The following FCHO2 variants were observed in gnomAD, a reference collection of about 807,000 sequenced individuals.
The protein encoded by FCHO2 is FCH and mu domain containing endocytic adaptor 2, also known as F-BAR domain only protein 2.
In FCHO2, 43 loss-of-function variants were observed where a neutral mutation model predicts 114.1. That is an observed-to-expected ratio of 0.38 (90% CI 0.30 to 0.49). The LOEUF (loss-of-function observed/expected upper bound fraction) is 0.49, where lower values mean the gene tolerates loss of function less well. Among genes scored for constraint, FCHO2 ranks in the 20% least tolerant of loss-of-function variants. The pLI is 0.97. For synonymous variants in FCHO2, 293 were observed against 315.2 expected (o/e 0.93, Z 0.75); for missense variants, 807 against 950.4 (o/e 0.85, Z 1.98).
intron 19 of FCHO2, among the ~76,000 whole-genome samples, chr5:73,069,570 C>T (rs1471155659): frequency 3.3e-5 from 5 of 151,798 alleles, no homozygotes; most frequent in Admixed American, 6.6e-5. Flanking sequence ...AGTCTAATGC[C>T]GCTGCTGATC....
At position 72,990,488 on chromosome 5, in the gene FCHO2, C is replaced by A. The variant is rs980732148; in HGVS notation, c.211C>A (p.Pro71Thr). Reference protein sequence around the residue: ...SNYSQLGTFAPVWDVFKTSTE... With the variant: ...SNYSQLGTFATVWDVFKTSTE... ...TTTTTATTTTCTTAGAACATTTGCA[C>A]CAGTATGGGATGTATTCAAAACATC... is the stretch of plus-strand genomic sequence containing the variant. Residue 71 changes from proline to threonine, a missense_variant, in exon 4 of 26, where the codon CCA becomes ACA. Physicochemically the swap from Pro to Thr is conservative, Grantham distance 38 (BLOSUM62 -1). Coordinates refer to ENST00000430046, the MANE Select transcript of FCHO2 (RefSeq NM_138782.3). 128 of 1,506,054 alleles carry A rather than the reference C, an allele frequency of 8.5e-5. No homozygotes were observed. The highest frequency in any genetic ancestry group is 1.1e-4 in the Non-Finnish European group (123 of 1,133,300). The allele number at this position is 1,506,054 out of a possible 1,614,324, so 93.3% of individuals were successfully genotyped here. A position where few individuals can be genotyped will look rare whatever the true frequency, so the allele number is the denominator to read the frequency against.
chr5:73,066,364 T>G (rs1742326555), intron 18 of FCHO2, among the ~76,000 whole-genome samples: 1 of 152,132 alleles, frequency 6.6e-6, no homozygotes, highest in South Asian at 2.1e-4. Flanking sequence ...TATTTGACAT[T>G]TAGTTCCATG....
chr5:72,993,290 T>TTA (rs1419068946), intron 5 of FCHO2, among the ~76,000 whole-genome samples: 1 of 151,992 alleles, frequency 6.6e-6, no homozygotes, highest in Non-Finnish European at 1.5e-5. Flanking sequence ...AAAAGAAACT[T>TTA]TAGACTTGAT....
chr5:73,081,717 A>G (rs1743096320), intron 22 of FCHO2, 66 bp from the exon 23 acceptor site: 14 of 1,220,642 alleles, frequency 1.1e-5, no homozygotes, highest in Non-Finnish European at 2.2e-6. Flanking sequence ...TCAAGTGTCC[A>G]TGTCATTAAC....
intron 1 of FCHO2, among the ~76,000 whole-genome samples, chr5:72,961,978 T>C (rs951058244): frequency 1.3e-5 from 2 of 152,164 alleles, no homozygotes; most frequent in Non-Finnish European, 2.9e-5. Flanking sequence ...TTGTATAACT[T>C]TTAGCAAGTT....
intron 11 of FCHO2, 58 bp from the exon 12 acceptor site, chr5:73,051,291 C>A: frequency 1.7e-6 from 2 of 1,185,192 alleles, no homozygotes; most frequent in Non-Finnish European, 2.4e-6. Context: ...CTTTGATAAT[C>A]TCTAATAATT....
chr5:73,051,434 A>C (rs371677100), intron 12 of FCHO2, 28 bp downstream of exon 12: 2 of 1,444,434 alleles, frequency 1.4e-6, no homozygotes, highest in Non-Finnish European at 9.4e-7. Flanking sequence ...AGTATTCTTA[A>C]GGATTATGTT....
At chr5:73,068,613 G>T in intron 18 of FCHO2, 37 bp from the exon 19 acceptor site, 9 of 1,602,464 alleles carry the variant, frequency 5.6e-6, no homozygotes, top group Non-Finnish European at 7.7e-6. Context: ...GAGAGGTATT[G>T]TTTTAGCATT....
At chr5:73,087,567 T>C (rs768625326) in intron 24 of FCHO2, 22 bp from the exon 25 acceptor site, 1 of 1,611,620 alleles carries the variant, frequency 6.2e-7, no homozygotes, top group Non-Finnish European at 8.5e-7. Context: ...CCTGTGTAAG[T>C]GCTTTATTCT....
intron 2 of FCHO2, 60 bp from the exon 3 acceptor site, chr5:72,989,367 A>C: frequency 8.1e-7 from 1 of 1,227,806 alleles, no homozygotes; most frequent in Non-Finnish European, 1.1e-6. Context: ...TATTTTGATA[A>C]CTTTGCTGTT....
At chr5:73,058,324 T>A in intron 16 of FCHO2, 109 bp from the exon 17 acceptor site, 1 of 690,374 alleles carries the variant, frequency 1.4e-6, no homozygotes. Context: ...ACTTTTTAAT[T>A]ATGTATATTG....
At chr5:72,961,710 T>G (rs750884432) in intron 1 of FCHO2, among the ~76,000 whole-genome samples, 1 of 152,160 alleles carries the variant, frequency 6.6e-6, no homozygotes, top group Non-Finnish European at 1.5e-5. Flanking sequence ...TTCTCCTGCC[T>G]TAGCCTCCCT....
At chr5:73,080,013 GATAA>G (rs1345109810) in intron 22 of FCHO2, among the ~76,000 whole-genome samples, 3 of 152,124 alleles carry the variant, frequency 2.0e-5, no homozygotes, top group Non-Finnish European at 4.4e-5. Flanking sequence ...TGAGATATTT[GATAA>G]ATAAATGTGT....
At chr5:73,009,798 A>G (rs1754911154) in intron 6 of FCHO2, among the ~76,000 whole-genome samples, 1 of 152,166 alleles carries the variant, frequency 6.6e-6, no homozygotes, top group Admixed American at 6.5e-5. Flanking sequence ...CGGCCTCCCA[A>G]AATGCTGGCT....
chr5:73,056,816 AGT>A (rs943758441), intron 16 of FCHO2, among the ~76,000 whole-genome samples: 16 of 152,194 alleles, frequency 1.1e-4, no homozygotes, highest in African/African-American at 3.6e-4. Flanking sequence ...CAAAAAAAGA[AGT>A]GTGTCAAGTT....
chr5:72,956,119 A>G lies in FCHO2; in HGVS notation c.23A>G (p.Glu8Gly). The G allele has an allele frequency of 6.5e-7, 1 of 1,541,094 alleles. No individual in the cohort carries two copies. The highest frequency in any genetic ancestry group is 8.8e-7 in the Non-Finnish European group (1 of 1,142,834). ...ACGATGGTCATGGCGTATTTCGTCG[A>G]GAATTTTTGGGTAAGCTTAGGATGT... MVMAYFV[E>G]NFWGEKNSGF... Residue 8 changes from glutamate to glycine, a missense_variant, in exon 1 of 26, where the codon GAG (glutamate) becomes GGG (glycine). Transcript: ENST00000430046.
At chr5:73,069,034 T>C (rs1216800034) in intron 19 of FCHO2, among the ~76,000 whole-genome samples, 1 of 152,122 alleles carries the variant, frequency 6.6e-6, no homozygotes, top group Non-Finnish European at 1.5e-5. Flanking sequence ...CTGATCAATA[T>C]AAATAGTTGA....
At chr5:73,063,479 T>TA (rs1207083830) in intron 17 of FCHO2, among the ~76,000 whole-genome samples, 3 of 152,106 alleles carry the variant, frequency 2.0e-5, no homozygotes, top group Non-Finnish European at 4.4e-5. Flanking sequence ...GGTCTCGAAT[T>TA]ACTATCTGTA....
chr5:72,962,397 C>A (rs1258188072), intron 1 of FCHO2, among the ~76,000 whole-genome samples: 1 of 152,156 alleles, frequency 6.6e-6, no homozygotes, highest in Non-Finnish European at 1.5e-5. Flanking sequence ...TCATCCTGCA[C>A]ATGTGGCTAA....
Sources: allele counts gnomAD v4.1 joint callset (sites outside exome capture counted in the v4.1 genomes callset), GRCh38; gene constraint gnomAD v4.1.1; transcripts MANE v1.5; gene names NCBI Gene and HGNC (gene_info 2026-07-23, HGNC 2026-07-21).